MTMR3: variants seen among roughly 807,000 people sequenced by gnomAD.
The protein encoded by MTMR3 is phosphatidylinositol-3,5-bisphosphate 3-phosphatase MTMR3.
In MTMR3, 32 loss-of-function variants were observed where a neutral mutation model predicts 132.4. The ratio of observed to expected loss-of-function variants is 0.24; its 90% CI spans 0.18 to 0.32. The LOEUF (loss-of-function observed/expected upper bound fraction) is 0.32, where lower values mean the gene tolerates loss of function less well. Among genes scored for constraint, MTMR3 ranks in the 10% least tolerant of loss-of-function variants. MTMR3 has a pLI of 1.00. For missense variants in MTMR3, 1,216 were observed against 1,489.6 expected (o/e 0.82, Z 3.02); for synonymous variants, 556 against 550.3 (o/e 1.01, Z -0.14).
chr22:29,891,722 C>T (rs1005801088), intron 1 of MTMR3, among the ~76,000 whole-genome samples: 2 of 152,038 alleles, frequency 1.3e-5, no homozygotes, highest in African/African-American at 2.4e-5. Flanking sequence ...TGTGAGCCAC[C>T]GTGCATATGT....
chr22:29,935,450 A>T (rs1391839705), intron 1 of MTMR3, among the ~76,000 whole-genome samples: 1 of 152,232 alleles, frequency 6.6e-6, no homozygotes, highest in Non-Finnish European at 1.5e-5. Flanking sequence ...ACTAACATTT[A>T]AAAAAGTGCT....
At chr22:29,976,885 T>C (rs1046928261) in intron 3 of MTMR3, among the ~76,000 whole-genome samples, 7 of 152,306 alleles carry the variant, frequency 4.6e-5, no homozygotes, top group Non-Finnish European at 7.4e-5. Flanking sequence ...GGGGAAGACT[T>C]ACAAAATTAT....
chr22:29,906,282 G>GTCTATCTATCTA (rs1330766461), intron 1 of MTMR3, among the ~76,000 whole-genome samples: 52 of 87,836 alleles, frequency 5.9e-4, no homozygotes, highest in Non-Finnish European at 1.1e-3. Flanking sequence ...CTGTCTGTCT[G>GTCTATCTATCTA]TCTGTCTATC....
At chr22:29,924,617 G>A (rs2065480725) in intron 1 of MTMR3, among the ~76,000 whole-genome samples, 1 of 152,152 alleles carries the variant, frequency 6.6e-6, no homozygotes, top group South Asian at 2.1e-4. Context: ...GATTTTAATA[G>A]GGATTGCATT....
intron 2 of MTMR3, among the ~76,000 whole-genome samples, chr22:29,957,509 T>A (rs1023538354): frequency 6.6e-6 from 1 of 151,994 alleles, no homozygotes; most frequent in African/African-American, 2.4e-5. Flanking sequence ...TGGAGTACAG[T>A]TAGGTGATTA....
intron 1 of MTMR3, among the ~76,000 whole-genome samples, chr22:29,949,511 A>ACCC (rs2066031683): frequency 6.2e-5 from 8 of 128,008 alleles, no homozygotes; most frequent in African/African-American, 2.3e-4. Flanking sequence ...CCCCCCCCCA[A>ACCC]AAAAAAAAAA....
At chr22:29,942,186 A>G (rs776589948) in intron 1 of MTMR3, among the ~76,000 whole-genome samples, 1 of 152,130 alleles carries the variant, frequency 6.6e-6, no homozygotes, top group African/African-American at 2.4e-5. Flanking sequence ...AAAGAGAGAA[A>G]TTTTAAAGCT....
chr22:29,985,118 C>T (rs989330504), intron 5 of MTMR3: 2 of 152,090 alleles, frequency 1.3e-5, no homozygotes, highest in East Asian at 3.8e-4. Context: ...GAACCTAAAG[C>T]AGTGTAGTGG....
At chr22:29,911,600 C>A (rs2065214760) in intron 1 of MTMR3, among the ~76,000 whole-genome samples, 2 of 142,650 alleles carry the variant, frequency 1.4e-5, no homozygotes. Flanking sequence ...TTTTTTTTTA[C>A]TTACAACTGA....
chr22:29,949,928 G>A (rs1281222833), intron 1 of MTMR3, among the ~76,000 whole-genome samples: 1 of 152,118 alleles, frequency 6.6e-6, no homozygotes, highest in Non-Finnish European at 1.5e-5. Context: ...TTTAGGCATT[G>A]CTATTGAAGA....
chr22:29,884,329 G>A (rs2064621363), intron 1 of MTMR3, among the ~76,000 whole-genome samples: 1 of 152,116 alleles, frequency 6.6e-6, no homozygotes, highest in East Asian at 1.9e-4. Flanking sequence ...TTTCTCATAT[G>A]TGAATGGTAA....
At position 29,907,642 on chromosome 22, in the gene MTMR3, A is replaced by G. The variant is rs116138512; in HGVS notation, c.-138+24283A>G. 2.7e-3 allele frequency among the ~76,000 whole-genome samples: 404 copies of G among 152,314 alleles called. 3 individuals carry two copies. The highest frequency in any genetic ancestry group is 9.4e-3 in the African/African-American group (390 of 41,558). On this transcript the variant is annotated intron_variant, in intron 1 of 19. Coordinates refer to ENST00000401950, the MANE Select transcript of MTMR3 (RefSeq NM_021090.4). ...ACCCATTTGCATAAAATCTACTCAA[A>G]GAAAATTATCAAGTGATTTTACAGG...
intron 1 of MTMR3, among the ~76,000 whole-genome samples, chr22:29,941,456 A>G (rs13053389): frequency 0.059 from 9,024 of 152,198 alleles, 537 homozygotes; most frequent in South Asian, 0.25. Context: ...GGATAAATGT[A>G]TGCTTAACCT....
chr22:29,923,041 ATTT>A (rs36099310), intron 1 of MTMR3, among the ~76,000 whole-genome samples: 1 of 129,948 alleles, frequency 7.7e-6, no homozygotes, highest in Non-Finnish European at 1.6e-5. Context: ...CATCCAGCCA[ATTT>A]TTTTTTTTTT....
At chr22:29,962,203 GA>G (rs1359476126) in intron 2 of MTMR3, among the ~76,000 whole-genome samples, 1 of 152,188 alleles carries the variant, frequency 6.6e-6, no homozygotes, top group Non-Finnish European at 1.5e-5. Context: ...AGTGAAAAGC[GA>G]ACTTCTGCTT....
At chr22:29,886,532 CAT>C (rs1236082718) in intron 1 of MTMR3, among the ~76,000 whole-genome samples, 2 of 152,120 alleles carry the variant, frequency 1.3e-5, no homozygotes, top group African/African-American at 2.4e-5. Context: ...TCAGTTTTCT[CAT>C]ATATACAATT....
In MTMR3 at chr22:30,026,880, T is replaced by G. The variant is rs990556158; in HGVS notation, c.*1079T>G. 2 of 152,920 alleles carry G rather than the reference T, an allele frequency of 1.3e-5. No individual in the cohort carries two copies. Among genetic ancestry groups the G allele is most frequent in the African/African-American group, 4.8e-5 (2 of 41,554 alleles). 9.5% of individuals were successfully genotyped at this position (152,920 alleles called of 1,614,324 possible). The stretch of plus-strand genomic sequence containing the variant: ...TACAATCAGCCTTTCTCCTCTTCTC[T>G]TCTTGGGACAGGAATAACTGCTGAG... On this transcript the variant is annotated 3_prime_UTR_variant, in exon 20 of 20. Transcript: ENST00000401950.
intron 1 of MTMR3, among the ~76,000 whole-genome samples, chr22:29,912,677 A>T (rs974211960): frequency 1.3e-5 from 2 of 152,174 alleles, no homozygotes; most frequent in Admixed American, 1.3e-4. Flanking sequence ...ATTAGGTGAG[A>T]ATGAAAGGTG....
chr22:30,018,718 ACAGGG>A (rs2067664667), intron 16 of MTMR3: 3 of 151,984 alleles, frequency 2.0e-5, no homozygotes, highest in Non-Finnish European at 2.9e-5. Flanking sequence ...AGCCTGGATG[ACAGGG>A]CAAGACCTGT....
Sources: allele counts gnomAD v4.1 joint callset (sites outside exome capture counted in the v4.1 genomes callset), GRCh38; gene constraint gnomAD v4.1.1; transcripts MANE v1.5; gene names NCBI Gene and HGNC (gene_info 2026-07-23, HGNC 2026-07-21).